The following LPCAT2 variants were observed in gnomAD, a reference collection of about 807,000 sequenced individuals.
LPCAT2 encodes the protein lysophosphatidylcholine acyltransferase 2.
A neutral mutation model predicts 64.7 loss-of-function variants in LPCAT2; 58 were observed. The observed-to-expected ratio is 0.90, with a 90% CI of 0.73 to 1.12. LPCAT2 has a LOEUF of 1.12. Among genes scored for constraint, LPCAT2 ranks in the 50% most tolerant of loss-of-function variants. The pLI, the probability that LPCAT2 is intolerant of heterozygous loss-of-function variation, is 0.00. For synonymous variants in LPCAT2, 252 were observed against 245.3 expected, an observed-to-expected ratio of 1.03 and a Z score of -0.26; for missense variants, 579 against 669.8, an observed-to-expected ratio of 0.86 and a Z score of 1.50.
Position 55,528,911 on chromosome 16 carries a change from G to A in LPCAT2, c.529+317G>A, listed in dbSNP as rs184336979. Reference sequence around the variant, plus strand: ...ATTTGAGAGAATTTAATCCATGTTTGATTTGAGAGAATCTATGAAAACACA... The same window carrying A: ...ATTTGAGAGAATTTAATCCATGTTTAATTTGAGAGAATCTATGAAAACACA... On this transcript the variant is annotated intron_variant, in intron 3 of 13. Transcript: ENST00000262134. Among the ~76,000 whole-genome samples, 55 of 152,238 alleles carry A rather than the reference G, an allele frequency of 3.6e-4. No individual in the cohort carries two copies. The East Asian group carries it at 0.01, about 28-fold the overall frequency.
At chr16:55,582,794 G>C in intron 13 of LPCAT2, 120 bp from the exon 14 acceptor site, 1 of 641,262 alleles carries the variant, frequency 1.6e-6, no homozygotes, top group South Asian at 2.3e-5. Context: ...CATCAGCAAT[G>C]TTTGTGTGTT....
chr16:55,571,167 C>T (rs1963765910), intron 11 of LPCAT2, among the ~76,000 whole-genome samples: 1 of 152,146 alleles, frequency 6.6e-6, no homozygotes, highest in Non-Finnish European at 1.5e-5. Flanking sequence ...TCTAATTCCA[C>T]ATGAATAAAG....
Position 55,509,085 on chromosome 16 carries a change from C to A in LPCAT2, c.-97C>A. ...CAGCGCCTGCGCAGAGGCTCCCCAG[C>A]GTCGCCCTAGGCTGGGACTCTAGTA... On this transcript the variant is annotated 5_prime_UTR_variant, in exon 1 of 14. Transcript: ENST00000262134. 2 of 1,079,444 alleles carry A rather than the reference C, an allele frequency of 1.9e-6. No individual in the cohort carries two copies. Among genetic ancestry groups the A allele is most frequent in the South Asian group, 3.4e-5 (1 of 29,566 alleles). The allele number at this position is 1,079,444 out of a possible 1,614,324, so 66.9% of individuals were successfully genotyped here.
Position 55,586,454 on chromosome 16 carries a change from GA to G in LPCAT2, c.*3362del, listed in dbSNP as rs1163705707. ...TAAAAGATAGAGAAAAATATAAACA[GA>G]AAAAATTATGTTTACTTCTACCACC... On this transcript the variant is annotated 3_prime_UTR_variant, in exon 14 of 14. Transcript: ENST00000262134. The G allele has an allele frequency of 7.4e-6, 1 of 134,974 alleles. No homozygotes were observed. Among genetic ancestry groups the G allele is most frequent in the Non-Finnish European group, 1.5e-5 (1 of 67,610 alleles). The allele number at this position is 134,974 out of a possible 1,614,324, so 8.4% of individuals were successfully genotyped here.
intron 11 of LPCAT2, among the ~76,000 whole-genome samples, chr16:55,570,645 A>G (rs1348326060): frequency 6.6e-6 from 1 of 152,150 alleles, no homozygotes; most frequent in African/African-American, 2.4e-5. Flanking sequence ...TTAAACAACT[A>G]CCCGTATAGT....
intron 12 of LPCAT2, 74 bp from the exon 13 acceptor site, chr16:55,579,035 G>C (rs1172463566): frequency 4.3e-6 from 6 of 1,398,370 alleles, no homozygotes; most frequent in South Asian, 2.6e-5. Flanking sequence ...AATTATTAAA[G>C]ACTTTATTTT....
chr16:55,548,677 G>A (rs111251323), intron 9 of LPCAT2, among the ~76,000 whole-genome samples: 2 of 151,780 alleles, frequency 1.3e-5, no homozygotes, highest in African/African-American at 4.8e-5. Context: ...TGTGCCTCAC[G>A]TAATTTTTAT....
chr16:55,556,709 C>G (rs2142404204), intron 11 of LPCAT2, among the ~76,000 whole-genome samples: 2 of 152,226 alleles, frequency 1.3e-5, no homozygotes, highest in Middle Eastern at 6.8e-3. Context: ...GATTGCGCCA[C>G]TGCACTCCAG....
At chr16:55,544,530 T>C (rs1963432170) in intron 8 of LPCAT2, among the ~76,000 whole-genome samples, 2 of 152,210 alleles carry the variant, frequency 1.3e-5, no homozygotes, top group African/African-American at 2.4e-5. Context: ...GAAAAATTAA[T>C]GAAATAAAAT....
intron 11 of LPCAT2, among the ~76,000 whole-genome samples, chr16:55,572,826 A>C (rs1187476521): frequency 6.6e-6 from 1 of 152,236 alleles, no homozygotes; most frequent in African/African-American, 2.4e-5. Context: ...GAGTAAGAGC[A>C]TATCTTTAAA....
chr16:55,533,406 G>GTTTTTTTTTTTTTTTT (rs11335464), intron 6 of LPCAT2, among the ~76,000 whole-genome samples: 3 of 96,444 alleles, frequency 3.1e-5, no homozygotes, highest in African/African-American at 8.2e-5. Flanking sequence ...TGTTTTTCGG[G>GTTTTTTTTTTTTTTTT]TTTTTTTTTT....
intron 9 of LPCAT2, among the ~76,000 whole-genome samples, chr16:55,548,715 T>C (rs1963481390): frequency 6.6e-6 from 1 of 152,136 alleles, no homozygotes; most frequent in African/African-American, 2.4e-5. Flanking sequence ...GGTTTCACCA[T>C]GTTGGCCAGG....
rs1442968219 is a variant in LPCAT2, at chr16:55,583,533, A to G, written c.*435A>G. On this transcript the variant is annotated 3_prime_UTR_variant, in exon 14 of 14. Transcript: ENST00000262134. ...GGGAAATAACAATGAAGAATCTGAG[A>G]ATTTGACATCTATAACTTTACAGAT... The G allele has an allele frequency of 6.5e-6, 1 of 153,516 alleles. No homozygotes were observed. The highest frequency in any genetic ancestry group is 1.5e-5 in the Non-Finnish European group (1 of 68,944). The allele number at this position is 153,516 out of a possible 1,614,324, so 9.5% of individuals were successfully genotyped here. A position where few individuals can be genotyped will look rare whatever the true frequency, so the allele number is the denominator to read the frequency against.
chr16:55,563,990 T>C (rs924748032), intron 11 of LPCAT2, among the ~76,000 whole-genome samples: 2 of 151,784 alleles, frequency 1.3e-5, no homozygotes. Flanking sequence ...CAGAACTAAT[T>C]AAGGGACTTA....
At chr16:55,578,711 T>G (rs1310884912) in intron 12 of LPCAT2, among the ~76,000 whole-genome samples, 2 of 152,188 alleles carry the variant, frequency 1.3e-5, no homozygotes, top group African/African-American at 4.8e-5. Context: ...CATGATCTAA[T>G]TCCTGTTTGT....
intron 9 of LPCAT2, among the ~76,000 whole-genome samples, chr16:55,548,287 C>G (rs1234278674): frequency 6.6e-6 from 1 of 151,778 alleles, no homozygotes; most frequent in East Asian, 1.9e-4. Flanking sequence ...TTTTTCAAAT[C>G]TAATTCACTA....
intron 1 of LPCAT2, among the ~76,000 whole-genome samples, chr16:55,520,859 T>C (rs1006135206): frequency 1.3e-5 from 2 of 151,824 alleles, no homozygotes; most frequent in Admixed American, 6.6e-5. Flanking sequence ...TAAAGCAGTG[T>C]TTGCAACTAA....
Position 55,534,466 on chromosome 16 carries a change from A to T in LPCAT2, c.786A>T (p.Gln262His), listed in dbSNP as rs766681579. 1 of 1,521,980 alleles carries T rather than the reference A, an allele frequency of 6.6e-7. No individual in the cohort carries two copies. Among genetic ancestry groups the T allele is most frequent in the Non-Finnish European group, 9.0e-7 (1 of 1,115,840 alleles). 94.3% of individuals were successfully genotyped at this position (1,521,980 alleles called of 1,614,324 possible). Reference protein sequence around the residue: ...NKLDTVTWTWQGYTFIQLCML... With the variant: ...NKLDTVTWTWHGYTFIQLCML... ...AGGATACTGTGACCTGGACATGGCA[A>T]GGATATACATTGTAAGTCACTTATG... Residue 262 changes from glutamine to histidine, a missense_variant, in exon 7 of 14, where the codon CAA becomes CAT. Transcript: ENST00000262134.
intron 13 of LPCAT2, among the ~76,000 whole-genome samples, chr16:55,579,901 T>C (rs1963870300): frequency 1.3e-5 from 2 of 152,198 alleles, no homozygotes; most frequent in Non-Finnish European, 2.9e-5. Context: ...GTAACTGTCT[T>C]TTCTCTTGAT....
Sources: allele counts gnomAD v4.1 joint callset (sites outside exome capture counted in the v4.1 genomes callset), GRCh38; gene constraint gnomAD v4.1.1; transcripts MANE v1.5; gene names NCBI Gene and HGNC (gene_info 2026-07-23, HGNC 2026-07-21).